PI4K2B: variants seen among roughly 807,000 people sequenced by gnomAD.
PI4K2B encodes the protein phosphatidylinositol 4-kinase type 2 beta.
A neutral mutation model predicts 56.6 loss-of-function variants in PI4K2B; 46 were observed. That is an observed-to-expected ratio of 0.81 (90% CI 0.64 to 1.04). The LOEUF (loss-of-function observed/expected upper bound fraction) is 1.04. Ranked by LOEUF, PI4K2B falls within the 50% of genes least tolerant of loss-of-function variation. PI4K2B has a pLI of 0.00. For missense variants in PI4K2B, 556 were observed against 607.7 expected (o/e 0.91, Z 0.89); for synonymous variants, 211 against 223.8 (o/e 0.94, Z 0.51).
At chr4:25,255,754 T>C (rs968010766) in intron 3 of PI4K2B, among the ~76,000 whole-genome samples, 1 of 151,892 alleles carries the variant, frequency 6.6e-6, no homozygotes, top group East Asian at 1.9e-4. Flanking sequence ...CATACCATCA[T>C]GTGCCTGGCA....
intron 1 of PI4K2B, among the ~76,000 whole-genome samples, chr4:25,251,562 T>C (rs1223344962): frequency 6.6e-6 from 1 of 152,030 alleles, no homozygotes; most frequent in Non-Finnish European, 1.5e-5. Context: ...AGCAGTCCTT[T>C]GTAGGTTCTA....
At chr4:25,257,028 C>G (rs1324273403) in intron 4 of PI4K2B, among the ~76,000 whole-genome samples, 1 of 148,930 alleles carries the variant, frequency 6.7e-6, no homozygotes, top group Non-Finnish European at 1.5e-5. Context: ...GATTCCAGAA[C>G]TTACCTCGGG....
chr4:25,247,099 G>A (rs753607779), intron 1 of PI4K2B, among the ~76,000 whole-genome samples: 3 of 152,366 alleles, frequency 2.0e-5, no homozygotes, highest in Admixed American at 6.5e-5. Flanking sequence ...CCTCAGGCAC[G>A]GCCAGAGTGG....
chr4:25,249,104 T>A (rs1577682355), intron 1 of PI4K2B, among the ~76,000 whole-genome samples: 1 of 152,218 alleles, frequency 6.6e-6, no homozygotes, highest in South Asian at 2.1e-4. Context: ...ACACAGCACA[T>A]GTTTCAGAGA....
chr4:25,245,584 G>A (rs1339805437), intron 1 of PI4K2B, among the ~76,000 whole-genome samples: 1 of 152,106 alleles, frequency 6.6e-6, no homozygotes, highest in African/African-American at 2.4e-5. Context: ...GGTTGTTAGA[G>A]AGCCCTTTCC....
intron 7 of PI4K2B, among the ~76,000 whole-genome samples, chr4:25,265,132 A>T (rs926148387): frequency 1.5e-5 from 2 of 131,910 alleles, no homozygotes; most frequent in African/African-American, 5.6e-5. Flanking sequence ...GAGGCAGAGG[A>T]TGCTGTGAGC....
intron 1 of PI4K2B, among the ~76,000 whole-genome samples, chr4:25,248,816 T>A (rs928171716): frequency 9.9e-5 from 15 of 152,284 alleles, no homozygotes; most frequent in East Asian, 9.6e-4. Context: ...TTTATTTTTT[T>A]AATTTTTTTA....
chr4:25,252,369 T>A lies in PI4K2B; in HGVS notation c.317T>A (p.Phe106Tyr), dbSNP rs1277828434. 6 of 1,609,090 alleles carry A rather than the reference T, an allele frequency of 3.7e-6. No individual in the cohort carries two copies. The highest frequency in any genetic ancestry group is 5.1e-6 in the Non-Finnish European group (6 of 1,175,440). ...EMNAFLDDPE[F>Y]ADIMLRAEQA... The stretch of plus-strand genomic sequence containing the variant: ...AATGCATTCTTGGATGACCCAGAAT[T>A]TGCCGATATTATGCTGAGAGCAGAG... Residue 106 changes from phenylalanine (F) to tyrosine (Y), a missense_variant, in exon 2 of 10, where the codon TTT (phenylalanine) becomes TAT (tyrosine). Transcript: ENST00000264864.
At chr4:25,261,781 A>G (rs1056477408) in intron 6 of PI4K2B, among the ~76,000 whole-genome samples, 1 of 152,248 alleles carries the variant, frequency 6.6e-6, no homozygotes, top group African/African-American at 2.4e-5. Context: ...CTAGTGACAG[A>G]AAACAGACCA....
chr4:25,238,656 G>A (rs965643914), intron 1 of PI4K2B, among the ~76,000 whole-genome samples: 5 of 152,050 alleles, frequency 3.3e-5, no homozygotes, highest in Admixed American at 6.6e-5. Flanking sequence ...AAGCTGGCGC[G>A]TCTGGAGTTG....
chr4:25,238,858 T>G (rs1203375098), intron 1 of PI4K2B, among the ~76,000 whole-genome samples: 1 of 152,146 alleles, frequency 6.6e-6, no homozygotes, highest in Non-Finnish European at 1.5e-5. Context: ...CACTGCTGGT[T>G]CGGGCAGCCT....
intron 1 of PI4K2B, among the ~76,000 whole-genome samples, chr4:25,235,292 G>T (rs1039808955): frequency 9.2e-5 from 14 of 152,206 alleles, no homozygotes; most frequent in African/African-American, 3.4e-4. Context: ...TAAATGAGAT[G>T]TTGTGCACCC....
Position 25,263,828 on chromosome 4 carries a change from C to A in PI4K2B, c.1057C>A (p.His353Asn). ...IDNGLAFPFK[H>N]PDEWRAYPFH... ...TAATGGTCTAGCATTTCCTTTTAAA[C>A]ATCCTGATGAATGGAGAGCATGTGA... The change falls in exon 7 of 10, where the codon CAT becomes AAT. Residue 353 changes from histidine to asparagine, a missense_variant. Physicochemically the swap from His to Asn is moderately conservative, Grantham distance 68. Coordinates refer to ENST00000264864, the MANE Select transcript of PI4K2B (RefSeq NM_018323.4). 1 of 1,472,816 alleles carries A rather than the reference C, an allele frequency of 6.8e-7. No individual in the cohort carries two copies. The highest frequency in any genetic ancestry group is 9.5e-7 in the Non-Finnish European group (1 of 1,053,746). The allele number at this position is 1,472,816 out of a possible 1,614,324, so 91.2% of individuals were successfully genotyped here.
chr4:25,243,864 G>C (rs1423071237), intron 1 of PI4K2B, among the ~76,000 whole-genome samples: 2 of 152,150 alleles, frequency 1.3e-5, no homozygotes, highest in Non-Finnish European at 2.9e-5. Flanking sequence ...TCTGGTCAAG[G>C]TCCCAGTGGG....
In PI4K2B at chr4:25,234,253, A is replaced by ACCGCGGATCGCCTGGGCCCAC; in HGVS notation, c.98_118dup (p.Ile33_Arg39dup). The stretch of plus-strand genomic sequence containing the variant: ...AGGATGGGGAGCGGGAGCCGCTGCT[A>ACCGCGGATCGCCTGGGCCCAC]CCGCGGATCGCCTGGGCCCACCCGC... On this transcript the variant is annotated inframe_insertion, in exon 1 of 10. Transcript: ENST00000264864. 1.4e-6 allele frequency: 2 copies of ACCGCGGATCGCCTGGGCCCAC among 1,425,724 alleles called. No individual in the cohort carries two copies. The highest frequency in any genetic ancestry group is 1.8e-6 in the Non-Finnish European group (2 of 1,088,034). The allele number at this position is 1,425,724 out of a possible 1,614,324, so 88.3% of individuals were successfully genotyped here.
At chr4:25,257,129 C>G (rs979186285) in intron 4 of PI4K2B, among the ~76,000 whole-genome samples, 3 of 151,610 alleles carry the variant, frequency 2.0e-5, no homozygotes, top group Non-Finnish European at 4.4e-5. Context: ...GTGAACAGGG[C>G]TTACTGCAGC....
At chr4:25,239,353 G>C (rs1380792665) in intron 1 of PI4K2B, among the ~76,000 whole-genome samples, 2 of 152,214 alleles carry the variant, frequency 1.3e-5, no homozygotes, top group East Asian at 3.9e-4. Context: ...GGGAGGCTCA[G>C]GCATGGCCGG....
At chr4:25,274,801 A>G (rs1717039210) in intron 9 of PI4K2B, among the ~76,000 whole-genome samples, 1 of 151,748 alleles carries the variant, frequency 6.6e-6, no homozygotes, top group South Asian at 2.1e-4. Context: ...GTTTTCCTAT[A>G]CTTTTTTTTT....
Position 25,277,081 on chromosome 4 carries a change from T to A in PI4K2B, c.1340T>A (p.Val447Glu). Residue 447 changes from valine to glutamate, a missense_variant, in exon 10 of 10, where the codon GTG becomes GAG. By Grantham distance (121) the Val-to-Glu change is moderately radical (BLOSUM62 -2). Transcript: ENST00000264864. ...SPFQLVQIPC[V>E]IVERSQGGSQ... ...TTCCAGCTAGTACAGATACCTTGTG[T>A]GATTGTGGAACGCAGTCAAGGTGGA... 1 of 1,613,838 alleles carries A rather than the reference T, an allele frequency of 6.2e-7. No individual in the cohort carries two copies. The highest frequency in any genetic ancestry group is 8.5e-7 in the Non-Finnish European group (1 of 1,179,788).
Sources: gnomAD v4.1 joint callset for allele counts (sites outside exome capture counted in the v4.1 genomes callset) on GRCh38, gnomAD v4.1.1 for gene constraint, MANE v1.5 for transcripts, NCBI Gene and HGNC (gene_info 2026-07-23, HGNC 2026-07-21) for gene names.